Variants in METTL24 observed in about 807,000 individuals in gnomAD.
METTL24 encodes the protein methyltransferase like 24.
Under a neutral mutation model 32.7 loss-of-function variants are expected in METTL24, and 29 were observed. That is an observed-to-expected ratio of 0.89 (90% CI 0.66 to 1.21). METTL24 has a LOEUF of 1.21. Among genes scored for constraint, METTL24 ranks in the 50% most tolerant of loss-of-function variants. The pLI, the probability that METTL24 is intolerant of heterozygous loss-of-function variation, is 0.00. For missense variants in METTL24, 439 were observed against 468.1 expected, an observed-to-expected ratio of 0.94 and a Z score of 0.57; for synonymous variants, 163 against 179.5, an observed-to-expected ratio of 0.91 and a Z score of 0.73.
In METTL24 at chr6:110,358,198, G is replaced by C. The variant is rs1170559061; in HGVS notation, c.75C>G (p.Phe25Leu). ...RRCLLGAVLLFGLRLCAELRR... is the reference protein window; with the variant it reads ...RRCLLGAVLLLGLRLCAELRR... ...GCAGCTCTGCGCAGAGCCGCAGGCC[G>C]AACAACAGCACAGCCCCGAGTAGAC... Residue 25 changes from phenylalanine (F) to leucine (L), a missense_variant, in exon 1 of 5, where the codon TTC becomes TTG. By Grantham distance (22) the Phe-to-Leu change is conservative. Coordinates refer to ENST00000338882, the MANE Select transcript of METTL24 (RefSeq NM_001123364.3). The C allele has an allele frequency of 1.4e-6, 2 of 1,458,128 alleles. No homozygotes were observed. Among genetic ancestry groups the C allele is most frequent in the South Asian group, 2.6e-5 (2 of 76,296 alleles). The allele number at this position is 1,458,128 out of a possible 1,614,324, so 90.3% of individuals were successfully genotyped here.
At chr6:110,323,201 T>C (rs780665470) in intron 1 of METTL24, among the ~76,000 whole-genome samples, 19 of 152,212 alleles carry the variant, frequency 1.2e-4, no homozygotes, top group Non-Finnish European at 2.5e-4. Context: ...CAGCTTATTT[T>C]ATATGAGGCT....
intron 4 of METTL24, among the ~76,000 whole-genome samples, chr6:110,297,805 C>T (rs1030966278): frequency 1.3e-5 from 2 of 152,172 alleles, no homozygotes; most frequent in African/African-American, 4.8e-5. Context: ...CTATTAAATG[C>T]CACCAGTTAC....
At chr6:110,275,185 TTATC>T (rs1187399208) in intron 4 of METTL24, among the ~76,000 whole-genome samples, 1 of 151,932 alleles carries the variant, frequency 6.6e-6, no homozygotes, top group Non-Finnish European at 1.5e-5. Flanking sequence ...GTTTCCAGAA[TTATC>T]TATCTAATTT....
chr6:110,274,787 T>C (rs1189957774), intron 4 of METTL24, among the ~76,000 whole-genome samples: 4 of 147,624 alleles, frequency 2.7e-5, no homozygotes, highest in Middle Eastern at 3.5e-3. Context: ...TTTTTTTTTT[T>C]CCTTTTCGTT....
chr6:110,268,684 C>T (rs1387613206), intron 4 of METTL24, among the ~76,000 whole-genome samples: 1 of 152,114 alleles, frequency 6.6e-6, no homozygotes, highest in Non-Finnish European at 1.5e-5. Flanking sequence ...AATGACATTG[C>T]CATTCCTATT....
At chr6:110,342,948 G>A (rs1321366291) in intron 1 of METTL24, among the ~76,000 whole-genome samples, 3 of 152,140 alleles carry the variant, frequency 2.0e-5, no homozygotes, top group Admixed American at 6.5e-5. Context: ...GTACCCATTC[G>A]TCAGCTGATA....
intron 1 of METTL24, among the ~76,000 whole-genome samples, chr6:110,325,894 G>A (rs543289204): frequency 2.0e-5 from 3 of 152,288 alleles, no homozygotes; most frequent in South Asian, 4.2e-4. Context: ...GCTCTGGCCC[G>A]TTGTGCATTC....
chr6:110,295,005 C>CTTTTTTT (rs1562228256), intron 4 of METTL24, among the ~76,000 whole-genome samples: 14 of 96,828 alleles, frequency 1.4e-4, no homozygotes, highest in African/African-American at 5.3e-4. Flanking sequence ...TTCTTTTTTT[C>CTTTTTTT]TTTCTTTCTT....
intron 3 of METTL24, among the ~76,000 whole-genome samples, chr6:110,301,880 C>T (rs961335775): frequency 2.0e-5 from 3 of 152,038 alleles, no homozygotes; most frequent in African/African-American, 7.3e-5. Flanking sequence ...ACTCACCTAT[C>T]CAAAAGGAAT....
chr6:110,284,587 G>A (rs191509562), intron 4 of METTL24, among the ~76,000 whole-genome samples: 1 of 151,566 alleles, frequency 6.6e-6, no homozygotes, highest in Non-Finnish European at 1.5e-5. Flanking sequence ...TGGGAACATA[G>A]AGAAACGATC....
chr6:110,299,259 C>T, intron 3 of METTL24, 109 bp from the exon 4 acceptor site: 1 of 938,954 alleles, frequency 1.1e-6, no homozygotes, highest in Non-Finnish European at 1.6e-6. Flanking sequence ...ATCAAGCCTT[C>T]TCCTGTTTTA....
rs1771884564 is a variant in METTL24, at chr6:110,319,249, T to C, written c.417+3525A>G. On this transcript the variant is annotated intron_variant, in intron 2 of 4. Coordinates refer to ENST00000338882, the MANE Select transcript of METTL24 (RefSeq NM_001123364.3). ...CTCGAGGGCAGAATTGTATGCTTAT[T>C]GTTTTTATCCCTGTGTGTGTATGTG... 2.7e-5 allele frequency among the ~76,000 whole-genome samples: 4 copies of C among 146,116 alleles called. No individual in the cohort carries two copies. The South Asian group carries it at 8.6e-4, about 32-fold the overall frequency.
chr6:110,265,939 C>T (rs933082116), intron 4 of METTL24, among the ~76,000 whole-genome samples: 1 of 147,526 alleles, frequency 6.8e-6, no homozygotes, highest in African/African-American at 2.5e-5. Flanking sequence ...CTTGCTCTGC[C>T]AACCAGGCTG....
intron 4 of METTL24, among the ~76,000 whole-genome samples, chr6:110,296,154 C>T (rs1771414986): frequency 6.6e-6 from 1 of 152,158 alleles, no homozygotes; most frequent in Non-Finnish European, 1.5e-5. Flanking sequence ...TTATCAGCAG[C>T]ATGGTTAAGA....
intron 4 of METTL24, among the ~76,000 whole-genome samples, chr6:110,276,602 G>A (rs1771051382): frequency 6.6e-6 from 1 of 152,186 alleles, no homozygotes; most frequent in Non-Finnish European, 1.5e-5. Flanking sequence ...TCATTGGAAG[G>A]CCTTTCAGAA....
At chr6:110,276,975 A>G (rs1040667339) in intron 4 of METTL24, among the ~76,000 whole-genome samples, 1 of 152,210 alleles carries the variant, frequency 6.6e-6, no homozygotes, top group African/African-American at 2.4e-5. Flanking sequence ...ACACCCAAAT[A>G]GATGGCACTT....
At chr6:110,310,830 G>A (rs1771708267) in intron 3 of METTL24, among the ~76,000 whole-genome samples, 1 of 152,090 alleles carries the variant, frequency 6.6e-6, no homozygotes, top group African/African-American at 2.4e-5. Context: ...TTAGAAAGTG[G>A]GGCCATCAGC....
intron 2 of METTL24, among the ~76,000 whole-genome samples, chr6:110,318,719 T>A (rs954776089): frequency 6.6e-6 from 1 of 151,924 alleles, no homozygotes; most frequent in African/African-American, 2.4e-5. Flanking sequence ...TTATTCAATT[T>A]TAACCATTTA....
At chr6:110,323,918 A>G (rs1488493077) in intron 1 of METTL24, among the ~76,000 whole-genome samples, 3 of 152,080 alleles carry the variant, frequency 2.0e-5, no homozygotes, top group African/African-American at 4.8e-5. Flanking sequence ...GGCAAGATAA[A>G]GGGATCATTC....
Sources: gnomAD v4.1 joint callset for allele counts (sites outside exome capture counted in the v4.1 genomes callset) on GRCh38, gnomAD v4.1.1 for gene constraint, MANE v1.5 for transcripts, NCBI Gene and HGNC (gene_info 2026-07-23, HGNC 2026-07-21) for gene names.